Variants in ARHGEF26 observed in about 807,000 individuals in gnomAD.
The protein encoded by ARHGEF26 is Rho guanine nucleotide exchange factor (GEF) 26.
Under a neutral mutation model 89.4 loss-of-function variants are expected in ARHGEF26, and 59 were observed. That is an observed-to-expected ratio of 0.66 (90% CI 0.54 to 0.82). The LOEUF (loss-of-function observed/expected upper bound fraction) is 0.82, where lower values mean the gene tolerates loss of function less well. Ranked by LOEUF, ARHGEF26 falls within the 40% of genes least tolerant of loss-of-function variation. The pLI is 0.00. For missense variants in ARHGEF26, 1,234 were observed against 1,085.6 expected (o/e 1.14, Z -1.92); for synonymous variants, 500 against 428.4 (o/e 1.17, Z -2.06).
intron 4 of ARHGEF26, among the ~76,000 whole-genome samples, chr3:154,141,783 A>T (rs761367637): frequency 1.3e-5 from 2 of 152,308 alleles, no homozygotes; most frequent in Non-Finnish European, 2.9e-5. Context: ...GCAGTGTACT[A>T]TAGTATTTTT....
intron 6 of ARHGEF26, among the ~76,000 whole-genome samples, chr3:154,156,070 T>C (rs557175785): frequency 7.4e-4 from 112 of 152,022 alleles, no homozygotes; most frequent in Non-Finnish European, 1.3e-3. Flanking sequence ...TTATGAGTTA[T>C]TTTAATTTCT....
chr3:154,234,793 T>G (rs531185274), intron 11 of ARHGEF26, among the ~76,000 whole-genome samples: 4 of 152,102 alleles, frequency 2.6e-5, no homozygotes, highest in Non-Finnish European at 5.9e-5. Context: ...TGAAGCGGAG[T>G]CTCACTTTGT....
At chr3:154,177,927 G>C (rs1308334724) in intron 6 of ARHGEF26, among the ~76,000 whole-genome samples, 1 of 152,160 alleles carries the variant, frequency 6.6e-6, no homozygotes. Flanking sequence ...TATTGGCCAG[G>C]TACAGTGGCT....
chr3:154,222,735 A>C (rs758636605), intron 10 of ARHGEF26, among the ~76,000 whole-genome samples: 5 of 152,112 alleles, frequency 3.3e-5, no homozygotes, highest in Non-Finnish European at 7.4e-5. Flanking sequence ...TATCAAGAGG[A>C]TAGGGCAGTG....
At position 154,255,378 on chromosome 3, in the gene ARHGEF26, C is replaced by T. The variant is rs976864220; in HGVS notation, c.2521C>T (p.Pro841Ser). Residue 841 changes from proline to serine, a missense_variant, in exon 15 of 15, where the codon CCT becomes TCT. By Grantham distance (74) the Pro-to-Ser change is moderately conservative. Coordinates refer to ENST00000465093, the MANE Select transcript of ARHGEF26 (RefSeq NM_015595.4). ...RLRDGERGWFPMECAKEITCQ... is the reference protein window; with the variant it reads ...RLRDGERGWFSMECAKEITCQ... ...ACGAGATGGAGAAAGAGGCTGGTTT[C>T]CTATGGAATGTGCCAAGGAGATAAC... The T allele has an allele frequency of 1.9e-6, 3 of 1,613,512 alleles. No individual in the cohort carries two copies. The highest frequency in any genetic ancestry group is 2.5e-6 in the Non-Finnish European group (3 of 1,179,802).
chr3:154,236,302 A>G (rs1044094058), intron 11 of ARHGEF26, among the ~76,000 whole-genome samples: 1 of 152,218 alleles, frequency 6.6e-6, no homozygotes, highest in Non-Finnish European at 1.5e-5. Context: ...GGAACCCATC[A>G]CTGTTTACAC....
intron 10 of ARHGEF26, among the ~76,000 whole-genome samples, chr3:154,220,757 A>T (rs1716076838): frequency 6.6e-6 from 1 of 152,172 alleles, no homozygotes; most frequent in African/African-American, 2.4e-5. Flanking sequence ...AGCAATGGGG[A>T]AAGGCTTTTC....
intron 11 of ARHGEF26, among the ~76,000 whole-genome samples, chr3:154,234,032 C>T (rs1716965526): frequency 6.6e-6 from 1 of 152,192 alleles, no homozygotes; most frequent in Non-Finnish European, 1.5e-5. Flanking sequence ...TGATAAATCT[C>T]AATAGCATCT....
In ARHGEF26 at chr3:154,240,455, C is replaced by T. The variant is rs990637211; in HGVS notation, c.2176C>T (p.Pro726Ser). 1.2e-6 allele frequency: 2 copies of T among 1,613,324 alleles called. No individual in the cohort carries two copies. The highest frequency in any genetic ancestry group is 1.7e-6 in the Non-Finnish European group (2 of 1,179,600). Residue 726 changes from proline to serine, a missense_variant, in exon 12 of 15, where the codon CCA becomes TCA. By Grantham distance (74) the Pro-to-Ser change is moderately conservative. Transcript: ENST00000465093. ...SCDNEELNSS[P>S]GKNSSTMLYS... ...TGACAATGAAGAGCTTAATTCTTCT[C>T]CAGGGAAGAACAGCTCCACAATGCT...
intron 9 of ARHGEF26, among the ~76,000 whole-genome samples, chr3:154,204,394 G>A (rs557045322): frequency 6.9e-5 from 10 of 145,008 alleles, no homozygotes; most frequent in African/African-American, 2.6e-4. Context: ...GAGTGCAGTG[G>A]CATGATCTTG....
chr3:154,148,815 C>G lies in ARHGEF26; in HGVS notation c.1270-574C>G, dbSNP rs548899702. On this transcript the variant is annotated intron_variant, in intron 4 of 14. Coordinates refer to ENST00000465093, the MANE Select transcript of ARHGEF26 (RefSeq NM_015595.4). ...AAAGAATCCTTTTTAGCCATGAATT[C>G]TTGCTGACAGGCTGACCCAGGGTCA... Among the ~76,000 whole-genome samples the G allele has an allele frequency of 2.0e-5, 3 of 152,314 alleles. No homozygotes were observed. The South Asian group carries it at 6.2e-4, about 32-fold the overall frequency.
At chr3:154,177,325 G>A (rs778358857) in intron 6 of ARHGEF26, among the ~76,000 whole-genome samples, 4 of 152,166 alleles carry the variant, frequency 2.6e-5, no homozygotes, top group African/African-American at 9.7e-5. Context: ...GGACCTCTCC[G>A]AAAGCCTTGT....
intron 11 of ARHGEF26, among the ~76,000 whole-genome samples, chr3:154,226,660 TACACACACACAC>T (rs3029724): frequency 1.3e-5 from 2 of 148,160 alleles, no homozygotes; most frequent in Admixed American, 6.7e-5. Flanking sequence ...GTTTCTGTTC[TACACACACACAC>T]ACACACACAC....
intron 11 of ARHGEF26, among the ~76,000 whole-genome samples, chr3:154,228,873 C>A (rs977682816): frequency 6.6e-6 from 1 of 152,212 alleles, no homozygotes. Context: ...GAGGACTGAT[C>A]TAGCCACCCA....
intron 6 of ARHGEF26, among the ~76,000 whole-genome samples, chr3:154,181,373 G>A (rs1393649073): frequency 6.6e-6 from 1 of 152,128 alleles, no homozygotes; most frequent in East Asian, 1.9e-4. Context: ...GACCTTCTCT[G>A]GTAGGATACT....
At position 154,217,879 on chromosome 3, in the gene ARHGEF26, T is replaced by G. The variant is rs769593116; in HGVS notation, c.1856T>G (p.Leu619Arg). 2.5e-6 allele frequency: 4 copies of G among 1,598,992 alleles called. No individual in the cohort carries two copies. The South Asian group carries it at 4.6e-5, about 18-fold the overall frequency. The change falls in exon 10 of 15, where the codon CTA becomes CGA. Residue 619 changes from leucine (L) to arginine (R), a missense_variant. Physicochemically the swap from Leu to Arg is moderately radical, Grantham distance 102 (BLOSUM62 -2). Coordinates refer to ENST00000465093, the MANE Select transcript of ARHGEF26 (RefSeq NM_015595.4). ...ALKEVSKLVR[L>R]CNEGARKMER... Reference sequence around the variant, plus strand: ...CTTCTGTGTTCCCAGTTGGTTCGACTATGCAATGAGGGCGCCCGGAAGATG... The same window carrying G: ...CTTCTGTGTTCCCAGTTGGTTCGACGATGCAATGAGGGCGCCCGGAAGATG...
chr3:154,206,141 G>C (rs757904731), intron 9 of ARHGEF26, among the ~76,000 whole-genome samples: 1 of 151,770 alleles, frequency 6.6e-6, no homozygotes, highest in Non-Finnish European at 1.5e-5. Flanking sequence ...ATGTTTGAAG[G>C]ATATTTTCAC....
chr3:154,136,044 C>A (rs928501425), intron 4 of ARHGEF26, among the ~76,000 whole-genome samples: 1 of 151,996 alleles, frequency 6.6e-6, no homozygotes, highest in South Asian at 2.1e-4. Context: ...ATGCCAGATA[C>A]CTTTGAAAAG....
chr3:154,124,622 A>G (rs185675598), intron 3 of ARHGEF26, among the ~76,000 whole-genome samples, 173 bp downstream of exon 3: 1 of 152,208 alleles, frequency 6.6e-6, no homozygotes. Context: ...TAGTAATACT[A>G]ATGGTGAATA....
Sources: allele counts gnomAD v4.1 joint callset (sites outside exome capture counted in the v4.1 genomes callset), GRCh38; gene constraint gnomAD v4.1.1; transcripts MANE v1.5; gene names NCBI Gene and HGNC (gene_info 2026-07-23, HGNC 2026-07-21).